Variants in TGM2 observed in about 807,000 individuals in gnomAD.
TGM2 encodes protein-glutamine gamma-glutamyltransferase 2.
TGM2 carries 53 observed loss-of-function variants against 75.6 expected under a neutral mutation model. That is an observed-to-expected ratio of 0.70 (90% CI 0.56 to 0.88). The LOEUF (loss-of-function observed/expected upper bound fraction) is 0.88. Among genes scored for constraint, TGM2 ranks in the 40% least tolerant of loss-of-function variants. The pLI, the probability that TGM2 is intolerant of heterozygous loss-of-function variation, is 0.00. For missense variants in TGM2, 842 were observed against 928.5 expected (o/e 0.91, Z 1.21); for synonymous variants, 374 against 381.1 (o/e 0.98, Z 0.22).
In TGM2 at chr20:38,158,833, T is replaced by C. The variant is rs2075219013; in HGVS notation, c.190+2587A>G. ...GTTCCCACACAGGAGCAGAGTCAGCTGGCCAGGCCTTGAGCCGGGCGCTGA... is the reference window on the plus strand; with the variant it reads ...GTTCCCACACAGGAGCAGAGTCAGCCGGCCAGGCCTTGAGCCGGGCGCTGA... On this transcript the variant is annotated intron_variant, in intron 2 of 12. Transcript: ENST00000361475. Among the ~76,000 whole-genome samples the C allele has an allele frequency of 2.6e-5, 4 of 152,158 alleles. No homozygotes were observed. The South Asian group carries it at 8.3e-4, about 32-fold the overall frequency.
At chr20:38,159,846 C>T (rs143126367) in intron 2 of TGM2, among the ~76,000 whole-genome samples, 5 of 152,360 alleles carry the variant, frequency 3.3e-5, no homozygotes, top group Non-Finnish European at 5.9e-5. Flanking sequence ...GACAAGCATG[C>T]GTTCAGTGGG....
chr20:38,163,975 T>C (rs187828978), intron 1 of TGM2, among the ~76,000 whole-genome samples: 1 of 152,302 alleles, frequency 6.6e-6, no homozygotes, highest in African/African-American at 2.4e-5. Context: ...GTAGGATTTA[T>C]AGGATTTCTG....
At position 38,128,578 on chromosome 20, in the gene TGM2, A is replaced by G. The variant is rs2074790478; in HGVS notation, c.*1641T>C. The stretch of plus-strand genomic sequence containing the variant: ...TAAAACCGTAGAGAAATAGAGCTCT[A>G]TGTATAGAGAAAATATACATGTTGA... On this transcript the variant is annotated 3_prime_UTR_variant, in exon 13 of 13. Transcript: ENST00000361475. The G allele has an allele frequency of 6.6e-6, 1 of 152,236 alleles. No individual in the cohort carries two copies. Among genetic ancestry groups the G allele is most frequent in the South Asian group, 2.1e-4 (1 of 4,832 alleles). The allele number at this position is 152,236 out of a possible 1,614,324, so 9.4% of individuals were successfully genotyped here. A position where few individuals can be genotyped will look rare whatever the true frequency, so the allele number is the denominator to read the frequency against.
chr20:38,155,125 AACAAAAAACAC>A (rs1325788731), intron 3 of TGM2, among the ~76,000 whole-genome samples: 2 of 151,834 alleles, frequency 1.3e-5, no homozygotes, highest in African/African-American at 4.8e-5. Context: ...AACAAAACAA[AACAAAAAACAC>A]ACAAAAAACA....
chr20:38,163,917 A>C lies in TGM2; in HGVS notation c.10+1272T>G, dbSNP rs2075282658. Reference sequence around the variant, plus strand: ...ATTTTCTCCATCTGTTGTCCGAAGAAGGGTTTCCAGAAATCACGCCCAGCT... The same window carrying C: ...ATTTTCTCCATCTGTTGTCCGAAGACGGGTTTCCAGAAATCACGCCCAGCT... On this transcript the variant is annotated intron_variant, in intron 1 of 12. Transcript: ENST00000361475. Among the ~76,000 whole-genome samples, 3 of 152,270 alleles carry C rather than the reference A, an allele frequency of 2.0e-5. No homozygotes were observed. In the South Asian group the frequency reaches 6.2e-4, roughly 32 times the overall value.
At chr20:38,158,466 G>A (rs1469586658) in intron 2 of TGM2, among the ~76,000 whole-genome samples, 1 of 152,166 alleles carries the variant, frequency 6.6e-6, no homozygotes, top group African/African-American at 2.4e-5. Flanking sequence ...TGGTGGCCGG[G>A]CTGGGATGGG....
At chr20:38,135,044 C>A (rs1171437577) in intron 10 of TGM2, among the ~76,000 whole-genome samples, 2 of 152,202 alleles carry the variant, frequency 1.3e-5, no homozygotes, top group Non-Finnish European at 1.5e-5. Context: ...ACAGGAGGGA[C>A]CTGCTGCTCA....
Position 38,139,611 on chromosome 20 carries a change from C to T in TGM2, c.1143G>A (p.Glu381=), listed in dbSNP as rs2074946101. Residue 381 remains glutamate, a synonymous_variant, in exon 9 of 13, where the codon GAG becomes GAA. Coordinates refer to ENST00000361475, the MANE Select transcript of TGM2 (RefSeq NM_004613.4). ...CATCGTACTTGGTGCTCAGGTCGCC[C>T]TCCTTGATGGCACGAACTGGAACTG... ...CGPVPVRAIK[E]GDLSTKYDAP... is the part of the protein sequence containing the mutation. 1 of 1,614,210 alleles carries T rather than the reference C, an allele frequency of 6.2e-7. No homozygotes were observed. The highest frequency in any genetic ancestry group is 8.5e-7 in the Non-Finnish European group (1 of 1,180,034).
chr20:38,162,463 A>G (rs1271990399), intron 1 of TGM2, among the ~76,000 whole-genome samples: 1 of 152,246 alleles, frequency 6.6e-6, no homozygotes, highest in Non-Finnish European at 1.5e-5. Context: ...AACTTCATAT[A>G]CTGGGAAATT....
At position 38,131,126 on chromosome 20, in the gene TGM2, G is replaced by C; in HGVS notation, c.1880C>G (p.Ala627Gly). 6.2e-7 allele frequency: 1 copy of C among 1,613,202 alleles called. No individual in the cohort carries two copies. ...LEGCTFTVEGAGLTEEQKTVE... is the reference protein window; with the variant it reads ...LEGCTFTVEGGGLTEEQKTVE... Reference sequence around the variant, plus strand: ...CGTCTTCTGCTCCTCAGTCAGGCCGGCCCCCTCCACAGTGAAGGTGCAGCC... The same window carrying C: ...CGTCTTCTGCTCCTCAGTCAGGCCGCCCCCCTCCACAGTGAAGGTGCAGCC... The change falls in exon 12 of 13, where the codon GCC becomes GGC. Residue 627 changes from alanine to glycine, a missense_variant. Ala to Gly is a moderately conservative substitution (Grantham distance 60, BLOSUM62 0). Transcript: ENST00000361475.
intron 4 of TGM2, among the ~76,000 whole-genome samples, chr20:38,149,426 C>T (rs546374919): frequency 7.2e-5 from 11 of 152,192 alleles, no homozygotes; most frequent in Admixed American, 7.2e-4. Flanking sequence ...GCCTGTAATC[C>T]CAGCACTTTG....
At chr20:38,163,242 T>G (rs1600524765) in intron 1 of TGM2, among the ~76,000 whole-genome samples, 1 of 123,120 alleles carries the variant, frequency 8.1e-6, no homozygotes, top group African/African-American at 2.5e-5. Flanking sequence ...GTGGGAGGAG[T>G]GGGCAAGACA....
intron 10 of TGM2, among the ~76,000 whole-genome samples, chr20:38,137,253 G>C (rs968566822): frequency 6.6e-6 from 1 of 152,160 alleles, no homozygotes; most frequent in Non-Finnish European, 1.5e-5. Flanking sequence ...GGGAGGCCGA[G>C]GCAGGTAGAT....
Position 38,146,557 on chromosome 20 carries a change from A to G in TGM2, c.859+160T>C, listed in dbSNP as rs529472093. On this transcript the variant is annotated intron_variant, in intron 6 of 12. Coordinates refer to ENST00000361475, the MANE Select transcript of TGM2 (RefSeq NM_004613.4). The stretch of plus-strand genomic sequence containing the variant: ...ACCACTGGAGGGATGGCTATTGGAT[A>G]AAGGACCGGAGAGGGTGGTCACAGG... 8.3e-4 allele frequency: 681 copies of G among 824,348 alleles called. 11 individuals are homozygous for G. The highest frequency in any genetic ancestry group is 8.0e-3 in the South Asian group (553 of 69,140). 51.1% of individuals were successfully genotyped at this position (824,348 alleles called of 1,614,324 possible).
upstream of TGM2, chr20:38,165,290 C>T: frequency 3.8e-6 from 6 of 1,590,772 alleles, no homozygotes; most frequent in South Asian, 6.6e-5. Context: ...GAGAGCGGCG[C>T]TAACTTATAG....
In TGM2 at chr20:38,146,706, G is replaced by T; in HGVS notation, c.859+11C>A. The T allele has an allele frequency of 6.2e-7, 1 of 1,612,960 alleles. No homozygotes were observed. Among genetic ancestry groups the T allele is most frequent in the Middle Eastern group, 1.7e-4 (1 of 6,058 alleles). On this transcript the variant is annotated intron_variant, in intron 6 of 12. Transcript: ENST00000361475. ...CAGGGCTCATGACCCACATCCCAGCGTGCAGCTCACCTGTGCAGGCCACGG... is the reference window on the plus strand; with the variant it reads ...CAGGGCTCATGACCCACATCCCAGCTTGCAGCTCACCTGTGCAGGCCACGG...
At chr20:38,132,311 A>C (rs1183150314) in intron 11 of TGM2, 29 bp downstream of exon 11, 1 of 1,613,556 alleles carries the variant, frequency 6.2e-7, no homozygotes, top group Admixed American at 1.7e-5. Flanking sequence ...CTGCCCTGGG[A>C]CCCTGCCCCT....
chr20:38,160,419 C>G (rs1388819837), intron 2 of TGM2, among the ~76,000 whole-genome samples: 2 of 152,220 alleles, frequency 1.3e-5, no homozygotes, highest in Admixed American at 6.5e-5. Flanking sequence ...GTCCCTTTAC[C>G]TATCCCTGGG....
rs2075253806 is a variant in TGM2, at chr20:38,161,557, C to T, written c.53G>A (p.Gly18Asp). 1 of 1,614,074 alleles carries T rather than the reference C, an allele frequency of 6.2e-7. No homozygotes were observed. ...CAGGTCGGCCGTGTGGTGGTCTCGG[C>T]CATTGGTCTCCAGCTCCAGATCACA... Reference protein sequence around the residue: ...ERCDLELETNGRDHHTADLCR... With the variant: ...ERCDLELETNDRDHHTADLCR... The change falls in exon 2 of 13, where the codon GGC becomes GAC. Residue 18 changes from glycine (G) to aspartate (D), a missense_variant. By Grantham distance (94) the Gly-to-Asp change is moderately conservative (BLOSUM62 -1). Coordinates refer to ENST00000361475, the MANE Select transcript of TGM2 (RefSeq NM_004613.4).
Sources: gnomAD v4.1 joint callset for allele counts (sites outside exome capture counted in the v4.1 genomes callset) on GRCh38, gnomAD v4.1.1 for gene constraint, MANE v1.5 for transcripts, NCBI Gene and HGNC (gene_info 2026-07-23, HGNC 2026-07-21) for gene names.